The following GATA4 variants were observed in gnomAD, a reference collection of about 807,000 sequenced individuals.
GATA4 encodes the protein GATA binding protein 4.
In GATA4, 7 loss-of-function variants were observed where a neutral mutation model predicts 37.9. The observed-to-expected ratio is 0.18, with a 90% confidence interval of 0.11 to 0.35. The LOEUF is 0.35. Among genes scored for constraint, GATA4 ranks in the 10% least tolerant of loss-of-function variants. The pLI is 1.00. For missense variants in GATA4, 647 were observed against 653.0 expected (o/e 0.99, Z 0.10); for synonymous variants, 372 against 292.6 (o/e 1.27, Z -2.77).
At chr8:11,683,542 A>G (rs1427949050) in intron 1 of GATA4, among the ~76,000 whole-genome samples, 2 of 152,152 alleles carry the variant, frequency 1.3e-5, no homozygotes, top group African/African-American at 4.8e-5. Context: ...GACTAGGTAG[A>G]CTAAATCCAT....
In GATA4 at chr8:11,757,082, A is replaced by G. The variant is rs1802620104; in HGVS notation, c.1148A>G (p.Gln383Arg). Residue 383 changes from glutamine (Q) to arginine (R), a missense_variant and splice_region_variant, in exon 6 of 7, where the codon CAG becomes CGG. Physicochemically the swap from Gln to Arg is conservative, Grantham distance 43. Transcript: ENST00000532059. ...SHYGHSSSVS[Q>R]TFSVSAMSGH... ...TACGGGCACAGCAGCTCCGTGTCCC[A>G]GGTACGCGCCATGGCTGGGGCGCCA... 6.2e-7 allele frequency: 1 copy of G among 1,613,846 alleles called. No homozygotes were observed. Among genetic ancestry groups the G allele is most frequent in the Non-Finnish European group, 8.5e-7 (1 of 1,179,796 alleles).
upstream of GATA4, among the ~76,000 whole-genome samples, chr8:11,702,184 G>C (rs1799699301): frequency 6.6e-6 from 1 of 152,182 alleles, no homozygotes; most frequent in African/African-American, 2.4e-5. This position sits in a 1 kb window ranked among gnomAD's most constrained non-coding sequence, Gnocchi z 4.4. Context: ...CTGTGTCCTT[G>C]GCTGTGGGGA....
chr8:11,697,974 C>G (rs759400072), intron 1 of GATA4: 1 of 985,364 alleles, frequency 1.0e-6, no homozygotes, highest in Non-Finnish European at 1.2e-6. Context: ...CCGCGGGTGT[C>G]CCTACCATAA....
intron 2 of GATA4, among the ~76,000 whole-genome samples, chr8:11,710,819 G>T (rs572187685): frequency 2.0e-4 from 30 of 152,100 alleles, no homozygotes; most frequent in African/African-American, 7.2e-4. Context: ...GTTACATCCA[G>T]CAGTGTAAAA....
chr8:11,745,417 A>C (rs1251538800), intron 2 of GATA4, among the ~76,000 whole-genome samples: 2 of 60,728 alleles, frequency 3.3e-5, no homozygotes, highest in Non-Finnish European at 1.0e-4. Flanking sequence ...CTACCAAAAA[A>C]AAAAAAAAAA....
At chr8:11,721,367 G>C (rs551380516) in intron 2 of GATA4, among the ~76,000 whole-genome samples, 1 of 149,080 alleles carries the variant, frequency 6.7e-6, no homozygotes, top group Non-Finnish European at 1.5e-5. Context: ...GCAGAAGCAC[G>C]GCGTTGAGGG....
intron 2 of GATA4, among the ~76,000 whole-genome samples, chr8:11,725,073 G>C (rs1206980665): frequency 6.6e-6 from 1 of 152,230 alleles, no homozygotes; most frequent in Non-Finnish European, 1.5e-5. Flanking sequence ...ATTCTCTGCT[G>C]TCCTTCTGTG....
chr8:11,758,549 T>G lies in GATA4; in HGVS notation c.*74T>G. ...GATAGCAAAGAAGGAGGCCCTGGGCTCCCAGGGGCCGGCCTCCTCTGCCTG... is the reference window on the plus strand; with the variant it reads ...GATAGCAAAGAAGGAGGCCCTGGGCGCCCAGGGGCCGGCCTCCTCTGCCTG... On this transcript the variant is annotated 3_prime_UTR_variant, in exon 7 of 7. Coordinates refer to ENST00000532059, the MANE Select transcript of GATA4 (RefSeq NM_001308093.3). 3 of 1,480,244 alleles carry G rather than the reference T, an allele frequency of 2.0e-6. No individual in the cohort carries two copies. The highest frequency in any genetic ancestry group is 2.8e-6 in the Non-Finnish European group (3 of 1,059,172). 91.7% of individuals were successfully genotyped at this position (1,480,244 alleles called of 1,614,324 possible).
intron 1 of GATA4, among the ~76,000 whole-genome samples, chr8:11,693,496 G>GAGAA (rs1554484976): frequency 1.5e-5 from 2 of 137,572 alleles, no homozygotes; most frequent in African/African-American, 5.3e-5. Flanking sequence ...GAGAGAGAGA[G>GAGAA]AAAAAAAGAG....
chr8:11,739,524 C>T (rs34814359), intron 2 of GATA4, among the ~76,000 whole-genome samples: 11,100 of 148,774 alleles, frequency 0.075, 1,469 homozygotes, highest in African/African-American at 0.25. Flanking sequence ...TATGTGTACA[C>T]ACACACACAC....
At chr8:11,693,560 C>CAGAG (rs1285850308) in intron 1 of GATA4, among the ~76,000 whole-genome samples, 190 of 68,902 alleles carry the variant, frequency 2.8e-3, no homozygotes, top group African/African-American at 9.1e-3. Flanking sequence ...CACACACACA[C>CAGAG]ACAGAGAGAG....
intron 1 of GATA4, among the ~76,000 whole-genome samples, chr8:11,687,081 C>T (rs574067084): frequency 1.3e-5 from 2 of 152,066 alleles, no homozygotes; most frequent in South Asian, 4.2e-4. Context: ...CCTGAGCAGA[C>T]ATCTGTGTTC....
chr8:11,722,845 A>G (rs1800738142), intron 2 of GATA4, among the ~76,000 whole-genome samples: 1 of 152,168 alleles, frequency 6.6e-6, no homozygotes, highest in South Asian at 2.1e-4. Flanking sequence ...TTCCTTCTTC[A>G]TTTGTTAGCT....
At chr8:11,690,680 G>A (rs116569713), upstream of GATA4, among the ~76,000 whole-genome samples, 40 of 152,286 alleles carry the variant, frequency 2.6e-4, no homozygotes, top group East Asian at 3.9e-4. Context: ...GAACAGCCTG[G>A]TCAACATAGT....
intron 1 of GATA4, chr8:11,680,826 GCTC>G: frequency 1.0e-6 from 1 of 985,338 alleles, no homozygotes; most frequent in Non-Finnish European, 1.2e-6. Context: ...CGGTCCCCAC[GCTC>G]TGGGCAGCAA....
intron 4 of GATA4, among the ~76,000 whole-genome samples, chr8:11,751,469 G>C (rs956583394): frequency 6.6e-6 from 1 of 152,200 alleles, no homozygotes; most frequent in Non-Finnish European, 1.5e-5. Flanking sequence ...GGGTCCTGGG[G>C]AGAAGGGATT....
intron 2 of GATA4, among the ~76,000 whole-genome samples, chr8:11,726,576 C>T (rs1004103455): frequency 6.6e-6 from 1 of 152,090 alleles, no homozygotes; most frequent in African/African-American, 2.4e-5. Context: ...TGGGATACTC[C>T]AGTCTCTGTT....
Position 11,736,600 on chromosome 8 carries a change from G to T in GATA4, c.617-12316G>T, listed in dbSNP as rs971662195. 3.9e-5 allele frequency among the ~76,000 whole-genome samples: 6 copies of T among 152,348 alleles called. No individual in the cohort carries two copies. The East Asian group carries it at 7.7e-4, about 20-fold the overall frequency. The stretch of plus-strand genomic sequence containing the variant: ...GAGGACCTTCGTCAAGACCCCGGGG[G>T]GTGTGGATGTGGACCTGGAGGAGTG... On this transcript the variant is annotated intron_variant, in intron 2 of 6. Transcript: ENST00000532059.
At position 11,707,388 on chromosome 8, in the gene GATA4, C is replaced by T. The variant is rs1468624834; in HGVS notation, c.-457-468C>T. On this transcript the variant is annotated intron_variant, in intron 1 of 6. Transcript: ENST00000532059. The surrounding 1 kb of genome is among the most constrained non-coding windows in gnomAD (Gnocchi z 4.7). The stretch of plus-strand genomic sequence containing the variant: ...TTTGTGTAAAGTTTGTCCTTGTCCC[C>T]CCAAGGACAATCTAAAGTTCTTTCT... Among the ~76,000 whole-genome samples, 1 of 151,712 alleles carries T rather than the reference C, an allele frequency of 6.6e-6. No individual in the cohort carries two copies. The highest frequency in any genetic ancestry group is 1.5e-5 in the Non-Finnish European group (1 of 67,918).
Sources: gnomAD v4.1 joint callset for allele counts (sites outside exome capture counted in the v4.1 genomes callset) on GRCh38, gnomAD v4.1.1 for gene constraint, Gnocchi (gnomAD v3.1) non-coding constraint, MANE v1.5 for transcripts, NCBI Gene and HGNC (gene_info 2026-07-23, HGNC 2026-07-21) for gene names.